Variants in CEP89 observed in about 807,000 individuals in gnomAD.
The protein encoded by CEP89 is centrosomal protein of 89 kDa.
CEP89 carries 95 observed loss-of-function variants against 97.6 expected under a neutral mutation model. That is an observed-to-expected ratio of 0.97 (90% CI 0.82 to 1.15). The LOEUF is 1.15. Among genes scored for constraint, CEP89 ranks in the 50% most tolerant of loss-of-function variants. The pLI, the probability that CEP89 is intolerant of heterozygous loss-of-function variation, is 0.00. For missense variants in CEP89, 869 were observed against 947.7 expected (o/e 0.92, Z 1.09); for synonymous variants, 354 against 349.1 (o/e 1.01, Z -0.16).
intron 7 of CEP89, 159 bp downstream of exon 7, chr19:32,937,472 C>T: frequency 1.5e-6 from 1 of 653,730 alleles, no homozygotes; most frequent in Non-Finnish European, 2.7e-6. Context: ...GGACATACGT[C>T]CACTACCTAG....
chr19:32,929,526 C>T (rs1406930858), intron 9 of CEP89, among the ~76,000 whole-genome samples: 4 of 151,838 alleles, frequency 2.6e-5, no homozygotes, highest in South Asian at 2.1e-4. Flanking sequence ...CACTTGAACC[C>T]GGGAGGTAGA....
intron 15 of CEP89, 150 bp downstream of exon 15, chr19:32,901,095 C>T (rs1969758856): frequency 4.3e-6 from 3 of 701,422 alleles, no homozygotes; most frequent in Non-Finnish European, 7.0e-6. Flanking sequence ...CCATGTTGGC[C>T]AGGCTGGTCT....
intron 17 of CEP89, among the ~76,000 whole-genome samples, chr19:32,884,902 T>C (rs1042444052): frequency 5.3e-5 from 8 of 152,236 alleles, no homozygotes; most frequent in Admixed American, 5.2e-4. Flanking sequence ...ATTCTTGTAG[T>C]TGGCTTTATT....
intron 4 of CEP89, among the ~76,000 whole-genome samples, chr19:32,950,602 A>G (rs1264875428): frequency 6.6e-6 from 1 of 152,212 alleles, no homozygotes; most frequent in African/African-American, 2.4e-5. Flanking sequence ...CTCAATATGG[A>G]CAATCGTTTG....
intron 8 of CEP89, 63 bp downstream of exon 8, chr19:32,933,388 T>C: frequency 1.7e-6 from 2 of 1,154,188 alleles, no homozygotes. Context: ...AAATATTAAC[T>C]CTCAAAATAA....
rs1316118333 is a variant in CEP89, at chr19:32,879,441, A to G, written c.2136-63T>C. The G allele has an allele frequency of 3.6e-6, 5 of 1,372,244 alleles. No individual in the cohort carries two copies. In the African/African-American group the frequency reaches 7.2e-5, roughly 20 times the overall value. 85.0% of individuals were successfully genotyped at this position (1,372,244 alleles called of 1,614,324 possible). On this transcript the variant is annotated intron_variant, in intron 18 of 18. Coordinates refer to ENST00000305768, the MANE Select transcript of CEP89 (RefSeq NM_032816.5). ...ATAATATAGAGCCCATATGAATCCC[A>G]AAGTAGCAAGAACTCAAAACAGAAG...
At chr19:32,946,761 T>C (rs1970806418) in intron 5 of CEP89, among the ~76,000 whole-genome samples, 1 of 152,156 alleles carries the variant, frequency 6.6e-6, no homozygotes, top group African/African-American at 2.4e-5. Context: ...CATTCTCTCT[T>C]GTCTGCTTCC....
intron 4 of CEP89, among the ~76,000 whole-genome samples, chr19:32,950,324 T>C (rs28570546): frequency 0.36 from 54,012 of 152,042 alleles, 9,805 homozygotes; most frequent in Admixed American, 0.48. Flanking sequence ...TTTGGGAGGC[T>C]AAGGCAGGCG....
At chr19:32,879,415 A>C in intron 18 of CEP89, 37 bp from the exon 19 acceptor site, 1 of 1,526,844 alleles carries the variant, frequency 6.5e-7, no homozygotes, top group Non-Finnish European at 9.1e-7. Context: ...CAATTTTAAA[A>C]ATAATATAGA....
chr19:32,882,056 G>A (rs1421742982), intron 17 of CEP89, 43 bp from the exon 18 acceptor site: 1 of 1,526,020 alleles, frequency 6.6e-7, no homozygotes, highest in Non-Finnish European at 8.8e-7. Context: ...ACGCTGCCAG[G>A]CCAGGGTGGA....
At chr19:32,930,648 C>T (rs1346000673) in intron 9 of CEP89, among the ~76,000 whole-genome samples, 1 of 152,110 alleles carries the variant, frequency 6.6e-6, no homozygotes, top group Admixed American at 6.5e-5. Flanking sequence ...CTCACATCTT[C>T]ACAGCCCCAA....
chr19:32,913,000 G>A (rs1030387489), intron 14 of CEP89, among the ~76,000 whole-genome samples: 6 of 150,578 alleles, frequency 4.0e-5, no homozygotes, highest in Admixed American at 6.6e-5. Context: ...CCGAGATAGC[G>A]CTACTGCACT....
intron 8 of CEP89, among the ~76,000 whole-genome samples, chr19:32,931,860 C>T (rs1970481412): frequency 1.3e-5 from 2 of 152,158 alleles, no homozygotes; most frequent in South Asian, 4.1e-4. Flanking sequence ...GTCATTGTTT[C>T]AGATGACATA....
At chr19:32,950,200 C>T (rs1170504009) in intron 4 of CEP89, among the ~76,000 whole-genome samples, 2 of 151,834 alleles carry the variant, frequency 1.3e-5, no homozygotes, top group Admixed American at 1.3e-4. Flanking sequence ...CCTTGTTCAA[C>T]CTGTCAAAAA....
At chr19:32,960,769 T>A (rs1253072880) in intron 2 of CEP89, among the ~76,000 whole-genome samples, 8 of 151,450 alleles carry the variant, frequency 5.3e-5, no homozygotes, top group Non-Finnish European at 1.0e-4. Flanking sequence ...TACATTGCAC[T>A]ACTGCACTCC....
At chr19:32,909,482 A>G (rs1969955176) in intron 14 of CEP89, among the ~76,000 whole-genome samples, 1 of 152,224 alleles carries the variant, frequency 6.6e-6, no homozygotes. Flanking sequence ...GTGAACAAGC[A>G]ACAAGGGTCA....
At chr19:32,923,243 ATTT>A (rs1424136600) in intron 12 of CEP89, among the ~76,000 whole-genome samples, 193 bp downstream of exon 12, 1 of 152,206 alleles carries the variant, frequency 6.6e-6, no homozygotes, top group Non-Finnish European at 1.5e-5. Flanking sequence ...CCTACTTAGA[ATTT>A]TAAAAGTCAT....
intron 9 of CEP89, among the ~76,000 whole-genome samples, chr19:32,929,927 AG>A (rs1248769510): frequency 1.3e-5 from 2 of 152,108 alleles, no homozygotes; most frequent in Non-Finnish European, 2.9e-5. Flanking sequence ...GACAGAAAAT[AG>A]ATTAGTGGTT....
At chr19:32,948,137 T>G in intron 5 of CEP89, 129 bp downstream of exon 5, 1 of 554,438 alleles carries the variant, frequency 1.8e-6, no homozygotes, top group Non-Finnish European at 3.2e-6. Context: ...AAATTTCAAT[T>G]ATATTCCTAG....
Sources: gnomAD v4.1 joint callset for allele counts (sites outside exome capture counted in the v4.1 genomes callset) on GRCh38, gnomAD v4.1.1 for gene constraint, MANE v1.5 for transcripts, NCBI Gene and HGNC (gene_info 2026-07-23, HGNC 2026-07-21) for gene names.